Variants in ZSWIM5 observed in about 807,000 individuals in gnomAD.
The protein encoded by ZSWIM5 is zinc finger SWIM-type containing 5, also known as zinc finger SWIM domain-containing protein 5.
In ZSWIM5, 55 loss-of-function variants were observed where a neutral mutation model predicts 119.6. That is an observed-to-expected ratio of 0.46 (90% confidence interval 0.37 to 0.58). ZSWIM5 has a LOEUF of 0.58. Among genes scored for constraint, ZSWIM5 ranks in the 20% least tolerant of loss-of-function variants. The pLI, the probability that ZSWIM5 is intolerant of heterozygous loss-of-function variation, is 0.00. For synonymous variants in ZSWIM5, 537 were observed against 606.9 expected, an observed-to-expected ratio of 0.88 and a Z score of 1.69; for missense variants, 1,193 against 1,512.8, an observed-to-expected ratio of 0.79 and a Z score of 3.51.
At chr1:45,189,621 C>T (rs773090572) in intron 1 of ZSWIM5, among the ~76,000 whole-genome samples, 3 of 151,526 alleles carry the variant, frequency 2.0e-5, no homozygotes, top group Non-Finnish European at 2.9e-5. Flanking sequence ...CCAGGCATGG[C>T]GGCGTGCACC....
rs189495459 is a variant in ZSWIM5, at chr1:45,171,974, T to C, written c.595+33782A>G. ...CTATTCAAGTTATACTTCATATTTA[T>C]TCAGTCTCTGCTTTAAAGAATCATA... On this transcript the variant is annotated intron_variant, in intron 1 of 13. Transcript: ENST00000359600. 7.9e-5 allele frequency among the ~76,000 whole-genome samples: 12 copies of C among 152,238 alleles called. No individual in the cohort carries two copies. In the East Asian group the frequency reaches 2.3e-3, roughly 29 times the overall value.
intron 1 of ZSWIM5, among the ~76,000 whole-genome samples, chr1:45,091,196 G>A (rs1171242170): frequency 1.3e-5 from 2 of 152,144 alleles, no homozygotes; most frequent in African/African-American, 4.8e-5. Context: ...GTTTCACAGT[G>A]GTTGAAAACT....
intron 11 of ZSWIM5, among the ~76,000 whole-genome samples, chr1:45,028,522 G>C (rs1437258822): frequency 1.3e-5 from 2 of 152,032 alleles, no homozygotes; most frequent in African/African-American, 4.8e-5. Flanking sequence ...TTGGGAGGCT[G>C]AGGTGAGTCG....
In ZSWIM5 at chr1:45,057,250, C is replaced by A. The variant is rs185781743; in HGVS notation, c.1252+1359G>T. ...GCCCAGTGATCTGTTTAAACAAGTA[C>A]TCCAGGTGATTCTGAAAGGTTTGAG... is the stretch of plus-strand genomic sequence containing the variant. On this transcript the variant is annotated intron_variant, in intron 4 of 13. Coordinates refer to ENST00000359600, the MANE Select transcript of ZSWIM5 (RefSeq NM_020883.2). This position sits in a 1 kb window ranked among gnomAD's most constrained non-coding sequence, Gnocchi z 4.7. 8.5e-5 allele frequency among the ~76,000 whole-genome samples: 13 copies of A among 152,362 alleles called. No individual in the cohort carries two copies. The highest frequency in any genetic ancestry group is 7.8e-4 in the Admixed American group (12 of 15,308).
chr1:45,153,577 G>A (rs1278160495), intron 1 of ZSWIM5, among the ~76,000 whole-genome samples: 1 of 150,568 alleles, frequency 6.6e-6, no homozygotes, highest in South Asian at 2.1e-4. Context: ...ATATCCAAAA[G>A]AAAATAAATC....
chr1:45,058,704 A>T lies in ZSWIM5; in HGVS notation c.1157T>A (p.Ile386Lys), dbSNP rs781303488. ...DSNGARMLTLITEQFVADPRL... is the reference protein window; with the variant it reads ...DSNGARMLTLKTEQFVADPRL... ...TGGGTCAGCCACAAACTGCTCAGTT[A>T]TTAGTGTCAGCATCCTTGCTCCATT... The change falls in exon 4 of 14, where the codon ATA becomes AAA. Residue 386 changes from isoleucine (I) to lysine (K), a missense_variant. Around this residue, in one of 2 missense-constraint regions of ZSWIM5, gnomAD observed 961 missense variants for 1,290.0 expected, o/e 0.74. Transcript: ENST00000359600. 1 of 1,614,220 alleles carries T rather than the reference A, an allele frequency of 6.2e-7. No individual in the cohort carries two copies. The highest frequency in any genetic ancestry group is 8.5e-7 in the Non-Finnish European group (1 of 1,180,038).
intron 1 of ZSWIM5, among the ~76,000 whole-genome samples, chr1:45,105,153 T>G (rs917348019): frequency 1.3e-5 from 2 of 152,176 alleles, no homozygotes; most frequent in Admixed American, 1.3e-4. Context: ...GGTTTCACCG[T>G]GTTGACCAGG....
At chr1:45,071,041 A>T (rs1645218409) in intron 2 of ZSWIM5, among the ~76,000 whole-genome samples, 1 of 152,120 alleles carries the variant, frequency 6.6e-6, no homozygotes. Context: ...AGATGTTTTG[A>T]TAGAGACATG....
rs767305087 is a variant in ZSWIM5, at chr1:45,088,249, C to T, written c.596-12G>A. On this transcript the variant is annotated splice_polypyrimidine_tract_variant and intron_variant, in intron 1 of 13. Coordinates refer to ENST00000359600, the MANE Select transcript of ZSWIM5 (RefSeq NM_020883.2). The surrounding 1 kb of genome is among the most constrained non-coding windows in gnomAD (Gnocchi z 4.2). ...ACTCAGATGAAAGCCTAAGGAAACA[C>T]AAAAGAAACTGTGTTTAGAGATTCT... The T allele has an allele frequency of 1.9e-6, 3 of 1,540,848 alleles. No homozygotes were observed. The highest frequency in any genetic ancestry group is 4.1e-5 in the Admixed American group (2 of 48,856).
chr1:45,178,316 C>T (rs577880564), intron 1 of ZSWIM5, among the ~76,000 whole-genome samples: 15 of 152,188 alleles, frequency 9.9e-5, no homozygotes, highest in South Asian at 4.2e-4. Flanking sequence ...ACCACCTACT[C>T]GACCGACTGA....
Position 45,139,942 on chromosome 1 carries a change from T to C in ZSWIM5, c.596-51705A>G, listed in dbSNP as rs186803025. Reference sequence around the variant, plus strand: ...TGAAGAACACTGGAAACAGTAGCAATGTAGATAAATTCAAATGACTTCATT... The same window carrying C: ...TGAAGAACACTGGAAACAGTAGCAACGTAGATAAATTCAAATGACTTCATT... On this transcript the variant is annotated intron_variant, in intron 1 of 13. Transcript: ENST00000359600. Among the ~76,000 whole-genome samples, 43 of 152,224 alleles carry C rather than the reference T, an allele frequency of 2.8e-4. No individual in the cohort carries two copies. The East Asian group carries it at 8.3e-3, about 29-fold the overall frequency.
intron 2 of ZSWIM5, among the ~76,000 whole-genome samples, chr1:45,061,380 T>TC (rs1024714091): frequency 5.9e-5 from 9 of 151,874 alleles, no homozygotes; most frequent in Non-Finnish European, 8.8e-5. Context: ...TACTTTTTTT[T>TC]TTTTTTTTGA....
At chr1:45,096,576 A>ACG (rs1446623822) in intron 1 of ZSWIM5, among the ~76,000 whole-genome samples, 5 of 151,712 alleles carry the variant, frequency 3.3e-5, no homozygotes, top group Non-Finnish European at 7.4e-5. Flanking sequence ...ACACACACAC[A>ACG]GCCCTCAAGT....
At position 45,061,890 on chromosome 1, in the gene ZSWIM5, A is replaced by G. The variant is rs140150065; in HGVS notation, c.953-1643T>C. ...TGGATCACTTGAGGCCAGGAGTTTG[A>G]GACTAGCCTGACCAACATGGCGAAA... On this transcript the variant is annotated intron_variant, in intron 2 of 13. Transcript: ENST00000359600. Among the ~76,000 whole-genome samples, 773 of 151,926 alleles carry G rather than the reference A, an allele frequency of 5.1e-3. 25 individuals are homozygous for G. The highest frequency in any genetic ancestry group is 0.048 in the East Asian group (246 of 5,090).
chr1:45,160,989 A>ATT (rs534599856), intron 1 of ZSWIM5, among the ~76,000 whole-genome samples: 4 of 122,658 alleles, frequency 3.3e-5, no homozygotes, highest in Non-Finnish European at 5.3e-5. Flanking sequence ...GCCCGGCTAA[A>ATT]TTTTTTTTTT....
intron 1 of ZSWIM5, among the ~76,000 whole-genome samples, chr1:45,196,479 C>T (rs1400901326): frequency 6.7e-6 from 1 of 149,440 alleles, no homozygotes; most frequent in Non-Finnish European, 1.5e-5. Flanking sequence ...CAAGTTCCGC[C>T]TCCTGGGCTT....
In ZSWIM5 at chr1:45,019,138, A is replaced by G; in HGVS notation, c.2874T>C (p.Ala958=). The change falls in exon 14 of 14, where the codon GCT becomes GCC. Residue 958 remains alanine, a synonymous_variant. Coordinates refer to ENST00000359600, the MANE Select transcript of ZSWIM5 (RefSeq NM_020883.2). The surrounding 1 kb of genome is among the most constrained non-coding windows in gnomAD (Gnocchi z 5.0). ...GGGCACAGCTCTGTGGATCCTTCAT[A>G]GCACACTGTAGAGCCAGTGTGCGAG... The part of the protein sequence containing the change: ...SCARTLALQC[A]MKDPQSCALS... 4.3e-6 allele frequency: 7 copies of G among 1,614,060 alleles called. No homozygotes were observed. Among genetic ancestry groups the G allele is most frequent in the Non-Finnish European group, 5.9e-6 (7 of 1,180,020 alleles).
Position 45,175,054 on chromosome 1 carries a change from G to A in ZSWIM5, c.595+30702C>T, listed in dbSNP as rs187876487. ...AGGATCCAGTCCAAAGTCATACAAT[G>A]CATTTAGTTTTTATGTCTCCTTATT... is the stretch of plus-strand genomic sequence containing the variant. On this transcript the variant is annotated intron_variant, in intron 1 of 13. Coordinates refer to ENST00000359600, the MANE Select transcript of ZSWIM5 (RefSeq NM_020883.2). Among the ~76,000 whole-genome samples, 154 of 152,162 alleles carry A rather than the reference G, an allele frequency of 1.0e-3. 1 individual carries two copies. Among genetic ancestry groups the A allele is most frequent in the African/African-American group, 3.4e-3 (143 of 41,532 alleles).
chr1:45,086,575 T>C (rs537762572), intron 2 of ZSWIM5, among the ~76,000 whole-genome samples: 68 of 152,180 alleles, frequency 4.5e-4, no homozygotes, highest in South Asian at 1.5e-3. Context: ...TAGGTGGGAA[T>C]TGAACAATGA....
Sources: allele counts gnomAD v4.1 joint callset (sites outside exome capture counted in the v4.1 genomes callset), GRCh38; gene constraint gnomAD v4.1.1; regional missense constraint gnomAD v4.1.1; non-coding constraint Gnocchi (gnomAD v3.1); transcripts MANE v1.5; gene names NCBI Gene and HGNC (gene_info 2026-07-23, HGNC 2026-07-21).